The following CDH9 variants were observed in gnomAD, a reference collection of about 807,000 sequenced individuals.
CDH9 encodes cadherin-9.
Under a neutral mutation model 70.9 loss-of-function variants are expected in CDH9, and 28 were observed. That is an observed-to-expected ratio of 0.40 (90% CI 0.29 to 0.54). CDH9 has a LOEUF of 0.54. Among genes scored for constraint, CDH9 ranks in the 20% least tolerant of loss-of-function variants. The pLI, the probability that CDH9 is intolerant of heterozygous loss-of-function variation, is 0.59. For synonymous variants in CDH9, 409 were observed against 343.1 expected (o/e 1.19, Z -2.12); for missense variants, 874 against 984.4 (o/e 0.89, Z 1.50).
Position 27,017,442 on chromosome 5 carries a change from G to C in CDH9, c.-50+21021C>G, listed in dbSNP as rs547971897. 1.9e-4 allele frequency among the ~76,000 whole-genome samples: 29 copies of C among 151,656 alleles called. No individual in the cohort carries two copies. In the East Asian group the frequency reaches 4.7e-3, roughly 24 times the overall value. On this transcript the variant is annotated intron_variant, in intron 1 of 11. Coordinates refer to ENST00000231021, the MANE Select transcript of CDH9 (RefSeq NM_016279.4). ...CTTGAGTCCACTGAAATTTTTTTTG[G>C]GGGGGCAAGCTAAACGCTCTGCAAA...
chr5:26,917,574 C>A (rs1741170746), intron 2 of CDH9, among the ~76,000 whole-genome samples: 1 of 152,004 alleles, frequency 6.6e-6, no homozygotes, highest in Admixed American at 6.6e-5. Context: ...GTTTTTAAAT[C>A]ATAGCCAAAA....
chr5:27,024,876 T>G (rs886316797), intron 1 of CDH9, among the ~76,000 whole-genome samples: 5 of 151,984 alleles, frequency 3.3e-5, no homozygotes, highest in South Asian at 2.1e-4. Flanking sequence ...GGAATGGAGG[T>G]GCAGGAAAGT....
chr5:27,008,048 C>A (rs1742897647), intron 1 of CDH9, among the ~76,000 whole-genome samples: 1 of 151,970 alleles, frequency 6.6e-6, no homozygotes, highest in Non-Finnish European at 1.5e-5. Context: ...ACTGAATGAA[C>A]AGTAAACCTG....
At chr5:26,914,196 A>T (rs1741105465) in intron 3 of CDH9, among the ~76,000 whole-genome samples, 1 of 152,044 alleles carries the variant, frequency 6.6e-6, no homozygotes, top group Non-Finnish European at 1.5e-5. Context: ...AGGTTTCAAC[A>T]TATCTGGTAA....
intron 2 of CDH9, among the ~76,000 whole-genome samples, chr5:26,918,837 C>T (rs1453384773): frequency 6.6e-6 from 1 of 152,172 alleles, no homozygotes; most frequent in Non-Finnish European, 1.5e-5. Context: ...CCATGGTTCT[C>T]CTGGGTCTTC....
chr5:27,012,952 A>C (rs960272766), intron 1 of CDH9, among the ~76,000 whole-genome samples: 3 of 152,020 alleles, frequency 2.0e-5, no homozygotes, highest in Admixed American at 2.0e-4. Context: ...AGGGTGAGTG[A>C]AACAAGGAGA....
At chr5:26,927,084 C>A (rs1741356531) in intron 2 of CDH9, among the ~76,000 whole-genome samples, 1 of 151,750 alleles carries the variant, frequency 6.6e-6, no homozygotes, top group Admixed American at 6.6e-5. Context: ...TCCTGGGATG[C>A]AAGGATGGTT....
chr5:26,954,850 T>C (rs1433739055), intron 2 of CDH9, among the ~76,000 whole-genome samples: 1 of 152,180 alleles, frequency 6.6e-6, no homozygotes, highest in Non-Finnish European at 1.5e-5. Context: ...GTGTCACGTA[T>C]GTCATCATAA....
chr5:26,923,139 A>T (rs1236990133), intron 2 of CDH9, among the ~76,000 whole-genome samples: 1 of 151,356 alleles, frequency 6.6e-6, no homozygotes, highest in African/African-American at 2.4e-5. Context: ...AAAAAAAGAA[A>T]GACAAAGCAA....
chr5:26,954,604 T>G (rs1741913453), intron 2 of CDH9, among the ~76,000 whole-genome samples: 1 of 151,912 alleles, frequency 6.6e-6, no homozygotes, highest in African/African-American at 2.4e-5. Flanking sequence ...CAGGATGGTC[T>G]CAATCTCCTG....
chr5:27,018,467 A>T lies in CDH9; in HGVS notation c.-50+19996T>A, dbSNP rs145088216. Among the ~76,000 whole-genome samples, 1,395 of 151,920 alleles carry T rather than the reference A, an allele frequency of 9.2e-3. 29 individuals are homozygous for T. Among genetic ancestry groups the T allele is most frequent in the African/African-American group, 0.032 (1,319 of 41,494 alleles). On this transcript the variant is annotated intron_variant, in intron 1 of 11. Transcript: ENST00000231021. ...GTACAGCATTCATTTCTAAGATTCC[A>T]CTATTAGTAAGTTCAACTTCTCTTT...
rs111443284 is a variant in CDH9 at position 26,921,454 on chromosome 5, A to G, written c.229-5530T>C. On this transcript the variant is annotated intron_variant, in intron 2 of 11. Transcript: ENST00000231021. ...TCCAACACTGGACCCACACATGCAC[A>G]CCAAGTAATAGTCACTGAGAATCCC... is the stretch of plus-strand genomic sequence containing the variant. Among the ~76,000 whole-genome samples the G allele has an allele frequency of 3.5e-3, 532 of 152,326 alleles. 3 individuals carry two copies. The highest frequency in any genetic ancestry group is 0.012 in the African/African-American group (511 of 41,572).
intron 1 of CDH9, among the ~76,000 whole-genome samples, chr5:27,036,873 A>G: frequency 6.6e-6 from 1 of 152,030 alleles, no homozygotes; most frequent in East Asian, 1.9e-4. Context: ...ACAAGACTAC[A>G]AACACATGCT....
rs796987071 is a variant in CDH9, at chr5:27,027,184, A to G, written c.-50+11279T>C. 1.9e-4 allele frequency among the ~76,000 whole-genome samples: 29 copies of G among 152,166 alleles called. No homozygotes were observed. In the South Asian group the frequency reaches 5.6e-3, roughly 29 times the overall value. Reference sequence around the variant, plus strand: ...CAAGCGATAAAGTGTAGAGTGTTCTATCTATGATATTGAGTATTCTATATT... The same window carrying G: ...CAAGCGATAAAGTGTAGAGTGTTCTGTCTATGATATTGAGTATTCTATATT... On this transcript the variant is annotated intron_variant, in intron 1 of 11. Coordinates refer to ENST00000231021, the MANE Select transcript of CDH9 (RefSeq NM_016279.4).
chr5:27,022,694 T>G (rs551319717), intron 1 of CDH9, among the ~76,000 whole-genome samples: 2 of 152,252 alleles, frequency 1.3e-5, no homozygotes, highest in South Asian at 4.1e-4. Flanking sequence ...CGAATACATT[T>G]CTGAATATGT....
At chr5:26,949,866 C>A (rs1184268337) in intron 2 of CDH9, among the ~76,000 whole-genome samples, 1 of 152,072 alleles carries the variant, frequency 6.6e-6, no homozygotes, top group South Asian at 2.1e-4. Context: ...TTTATAAGAA[C>A]TTTAGCAGAG....
chr5:26,900,923 C>G (rs940073239), intron 7 of CDH9, among the ~76,000 whole-genome samples: 4 of 151,982 alleles, frequency 2.6e-5, no homozygotes, highest in Non-Finnish European at 4.4e-5. Context: ...CATTTCAGTA[C>G]TGCAGAAAAC....
chr5:27,035,075 C>A (rs952454464), intron 1 of CDH9, among the ~76,000 whole-genome samples: 1 of 150,894 alleles, frequency 6.6e-6, no homozygotes, highest in African/African-American at 2.4e-5. Context: ...TATCTATCCT[C>A]TATGTATCTG....
chr5:27,006,285 T>G (rs181193348), intron 1 of CDH9, among the ~76,000 whole-genome samples: 1 of 152,282 alleles, frequency 6.6e-6, no homozygotes. Context: ...AAATTATGTT[T>G]ACTGTATGAT....
Sources: gnomAD v4.1 joint callset for allele counts (sites outside exome capture counted in the v4.1 genomes callset) on GRCh38, gnomAD v4.1.1 for gene constraint, MANE v1.5 for transcripts, NCBI Gene and HGNC (gene_info 2026-07-23, HGNC 2026-07-21) for gene names.